Variants in ZFR observed in about 807,000 individuals in gnomAD.
The protein encoded by ZFR is zinc finger RNA binding protein, also known as zinc finger RNA-binding protein.
A neutral mutation model predicts 130.7 loss-of-function variants in ZFR; 19 were observed. The ratio of observed to expected loss-of-function variants is 0.15; its 90% CI spans 0.10 to 0.21. The LOEUF (loss-of-function observed/expected upper bound fraction) is 0.21, where lower values mean the gene tolerates loss of function less well. ZFR is among the 10% of genes least tolerant of loss of function. The pLI is 1.00. For missense variants in ZFR, 872 were observed against 1,321.5 expected, an observed-to-expected ratio of 0.66 and a Z score of 5.27; for synonymous variants, 466 against 456.9, an observed-to-expected ratio of 1.02 and a Z score of -0.25.
intron 2 of ZFR, among the ~76,000 whole-genome samples, chr5:32,441,479 C>T (rs1201551219): frequency 1.3e-5 from 2 of 151,656 alleles, no homozygotes; most frequent in African/African-American, 4.8e-5. Context: ...AAAAAGTTGG[C>T]CCTCCATGAA....
At chr5:32,415,238 T>TA (rs1191012893) in intron 4 of ZFR, 51 bp from the exon 5 acceptor site, 2 of 1,466,436 alleles carry the variant, frequency 1.4e-6, no homozygotes, top group Non-Finnish European at 1.9e-6. Context: ...CCACTATAGT[T>TA]ACTGTACCAG....
intron 2 of ZFR, among the ~76,000 whole-genome samples, chr5:32,435,762 A>T (rs1168080706): frequency 4.6e-5 from 7 of 152,212 alleles, no homozygotes; most frequent in Non-Finnish European, 1.0e-4. Flanking sequence ...TTTTCCCAGA[A>T]ATATGAATTC....
intron 16 of ZFR, 152 bp downstream of exon 16, chr5:32,379,923 C>T (rs1752899469): frequency 1.7e-6 from 1 of 573,154 alleles, no homozygotes; most frequent in South Asian, 3.1e-5. Context: ...GATCATCATA[C>T]CCAGCTTTCT....
chr5:32,396,168 A>G (rs887149553), intron 10 of ZFR, among the ~76,000 whole-genome samples: 1 of 151,034 alleles, frequency 6.6e-6, no homozygotes, highest in Non-Finnish European at 1.5e-5. Flanking sequence ...AGCCATGTTC[A>G]TGTCATCGTA....
At chr5:32,391,323 T>C (rs1284706145) in intron 11 of ZFR, among the ~76,000 whole-genome samples, 1 of 152,204 alleles carries the variant, frequency 6.6e-6, no homozygotes, top group Non-Finnish European at 1.5e-5. Context: ...GGTGGTCTTG[T>C]AACGTAACCC....
At chr5:32,406,432 A>G (rs559663000) in intron 6 of ZFR, among the ~76,000 whole-genome samples, 38 of 152,354 alleles carry the variant, frequency 2.5e-4, no homozygotes, top group African/African-American at 9.1e-4. Context: ...TTGGCAAGTA[A>G]GTTACAGATG....
intron 14 of ZFR, 23 bp downstream of exon 14, chr5:32,387,526 A>G: frequency 6.2e-7 from 1 of 1,607,910 alleles, no homozygotes; most frequent in Non-Finnish European, 8.5e-7. Context: ...AGGGGTAAAA[A>G]TGAACATTTC....
chr5:32,369,876 A>G (rs80034135), intron 17 of ZFR, among the ~76,000 whole-genome samples: 1,660 of 152,250 alleles, frequency 0.011, 27 homozygotes, highest in African/African-American at 0.039. Flanking sequence ...TATGTTGTCC[A>G]TATCAAGTTC....
At chr5:32,406,726 C>T (rs1753586602) in intron 6 of ZFR, 48 bp downstream of exon 6, 1 of 1,566,244 alleles carries the variant, frequency 6.4e-7, no homozygotes, top group East Asian at 2.2e-5. Context: ...ATACCAACTA[C>T]ACTTAATAAC....
intron 12 of ZFR, 53 bp from the exon 13 acceptor site, chr5:32,388,727 A>G: frequency 6.9e-7 from 1 of 1,454,310 alleles, no homozygotes. Flanking sequence ...GAGCAAAAGC[A>G]AATTATATTT....
Position 32,444,035 on chromosome 5 carries a change from G to GCGGGCCGGGC in ZFR, c.137+184_137+193dup, listed in dbSNP as rs1196893381. Among the ~76,000 whole-genome samples, 42 of 145,430 alleles carry GCGGGCCGGGC rather than the reference G, an allele frequency of 2.9e-4. No individual in the cohort carries two copies. The South Asian group carries it at 5.3e-3, about 18-fold the overall frequency. On this transcript the variant is annotated intron_variant, in intron 2 of 19. Transcript: ENST00000265069. Reference sequence around the variant, plus strand: ...CCCCTACTGGGGGCCGCTCCCCGCCGCGGGCCGGGCCGGGCCGGGCAAGGC... The same window carrying GCGGGCCGGGC: ...CCCCTACTGGGGGCCGCTCCCCGCCGCGGGCCGGGCCGGGCCGGGCCGGGCCGGGCAAGGC...
Position 32,355,844 on chromosome 5 carries a change from G to A in ZFR, c.3141C>T (p.Asn1047=), listed in dbSNP as rs1752293691. The A allele has an allele frequency of 6.2e-7, 1 of 1,610,132 alleles. No homozygotes were observed. The highest frequency in any genetic ancestry group is 1.1e-5 in the South Asian group (1 of 90,640). ...CATCACTATCTCTTCTTCGTTTCCT[G>A]TTGTTGTGGATGTTAAAACGTTGGC... The part of the protein sequence containing the change: ...QMSQRFNIHN[N]RKRRRDSDGV... Residue 1047 remains asparagine, a synonymous_variant, in exon 20 of 20, where the codon AAC becomes AAT. Transcript: ENST00000265069.
At chr5:32,395,025 G>A in intron 11 of ZFR, 134 bp downstream of exon 11, 1 of 1,258,352 alleles carries the variant, frequency 7.9e-7, no homozygotes, top group South Asian at 2.2e-5. Context: ...CCTAGACCTA[G>A]GATCTTCCTC....
At chr5:32,356,093 G>A (rs1752300289) in intron 19 of ZFR, among the ~76,000 whole-genome samples, 154 bp from the exon 20 acceptor site, 1 of 152,000 alleles carries the variant, frequency 6.6e-6, no homozygotes. Flanking sequence ...TAATCTGTAT[G>A]TTCTCATGTT....
At chr5:32,430,567 A>G (rs575494975) in intron 2 of ZFR, among the ~76,000 whole-genome samples, 18 of 152,338 alleles carry the variant, frequency 1.2e-4, no homozygotes, top group African/African-American at 4.3e-4. Flanking sequence ...ATTCCCTAAA[A>G]TTAATGAAAG....
At chr5:32,367,715 G>GT (rs1395740623) in intron 17 of ZFR, among the ~76,000 whole-genome samples, 1 of 152,144 alleles carries the variant, frequency 6.6e-6, no homozygotes, top group East Asian at 1.9e-4. Context: ...GATTACAGGC[G>GT]TGAGCCACTG....
intron 13 of ZFR, 137 bp downstream of exon 13, chr5:32,388,332 T>C (rs1364194152): frequency 3.7e-6 from 3 of 811,624 alleles, no homozygotes; most frequent in Non-Finnish European, 5.8e-6. Context: ...GCAGAATACA[T>C]GAAATATCGA....
chr5:32,406,259 A>G (rs1753578223), intron 6 of ZFR, among the ~76,000 whole-genome samples: 1 of 152,204 alleles, frequency 6.6e-6, no homozygotes, highest in South Asian at 2.1e-4. Context: ...ACTTCTTTAC[A>G]CCTTCCTTGT....
rs1338462570 is a variant in ZFR, at chr5:32,354,747, G to C, written c.*1013C>G. ...CTGTGTTATACTGTAATAGTTGCTA[G>C]AGTAATCTCACACACACCAATAAGG... On this transcript the variant is annotated 3_prime_UTR_variant, in exon 20 of 20. Coordinates refer to ENST00000265069, the MANE Select transcript of ZFR (RefSeq NM_016107.5). 6.6e-6 allele frequency: 1 copy of C among 152,560 alleles called. No homozygotes were observed. Among genetic ancestry groups the C allele is most frequent in the Admixed American group, 6.5e-5 (1 of 15,270 alleles). 9.5% of individuals were successfully genotyped at this position (152,560 alleles called of 1,614,324 possible). A position where few individuals can be genotyped will look rare whatever the true frequency, so the allele number is the denominator to read the frequency against.
Sources: gnomAD v4.1 joint callset for allele counts (sites outside exome capture counted in the v4.1 genomes callset) on GRCh38, gnomAD v4.1.1 for gene constraint, MANE v1.5 for transcripts, NCBI Gene and HGNC (gene_info 2026-07-23, HGNC 2026-07-21) for gene names.